Variants in CAMK2D observed in about 807,000 individuals in gnomAD.
CAMK2D encodes calcium/calmodulin-dependent protein kinase type II subunit delta.
CAMK2D carries 37 observed loss-of-function variants against 84.0 expected under a neutral mutation model. The ratio of observed to expected loss-of-function variants is 0.44; its 90% CI spans 0.34 to 0.58. The LOEUF (loss-of-function observed/expected upper bound fraction) is 0.58. Among genes scored for constraint, CAMK2D ranks in the 20% least tolerant of loss-of-function variants. The pLI is 0.02. For missense variants in CAMK2D, 448 were observed against 652.5 expected, an observed-to-expected ratio of 0.69 and a Z score of 3.41; for synonymous variants, 202 against 212.5, an observed-to-expected ratio of 0.95 and a Z score of 0.43.
intron 16 of CAMK2D, among the ~76,000 whole-genome samples, chr4:113,484,349 G>T (rs1157131200): frequency 2.0e-5 from 3 of 152,118 alleles, no homozygotes; most frequent in Non-Finnish European, 4.4e-5. Flanking sequence ...AATGAGTCTA[G>T]ATCCCTAATT....
At chr4:113,576,708 C>T (rs972893030) in intron 4 of CAMK2D, among the ~76,000 whole-genome samples, 1 of 151,940 alleles carries the variant, frequency 6.6e-6, no homozygotes, top group Non-Finnish European at 1.5e-5. Context: ...CTCAGAAGAT[C>T]ACTTTAAATT....
chr4:113,750,757 T>A (rs1182502306), intron 2 of CAMK2D, among the ~76,000 whole-genome samples: 1 of 152,150 alleles, frequency 6.6e-6, no homozygotes, highest in Non-Finnish European at 1.5e-5. Context: ...ACGCCTGTAA[T>A]CCCAGGACTT....
chr4:113,630,404 T>A (rs2099084798), intron 3 of CAMK2D, among the ~76,000 whole-genome samples: 1 of 152,150 alleles, frequency 6.6e-6, no homozygotes, highest in Non-Finnish European at 1.5e-5. Context: ...TCAGTCAGGG[T>A]TCTTAGGATT....
In CAMK2D at chr4:113,705,205, T is replaced by C. The variant is rs28549316; in HGVS notation, c.161-43433A>G. On this transcript the variant is annotated intron_variant, in intron 2 of 20. Coordinates refer to ENST00000511664, the MANE Select transcript of CAMK2D (RefSeq NM_001321571.2). Reference sequence around the variant, plus strand: ...AGCCGGGCGTGGAGGCAGGCGCCTGTAGTCCTAGCTACTCTGGAGGCTGAG... The same window carrying C: ...AGCCGGGCGTGGAGGCAGGCGCCTGCAGTCCTAGCTACTCTGGAGGCTGAG... 9.3e-3 allele frequency among the ~76,000 whole-genome samples: 1,402 copies of C among 150,234 alleles called. 28 individuals are homozygous for C. Among genetic ancestry groups the C allele is most frequent in the African/African-American group, 0.033 (1,343 of 40,790 alleles).
At chr4:113,639,819 T>C (rs74673765) in intron 3 of CAMK2D, among the ~76,000 whole-genome samples, 3,230 of 151,572 alleles carry the variant, frequency 0.021, 118 homozygotes, top group African/African-American at 0.075. Flanking sequence ...GACTTTGCAA[T>C]GTCAGGATTT....
intron 4 of CAMK2D, among the ~76,000 whole-genome samples, chr4:113,586,756 T>TA (rs2098836140): frequency 6.6e-6 from 1 of 152,108 alleles, no homozygotes; most frequent in South Asian, 2.1e-4. Flanking sequence ...TGAGAGCTTA[T>TA]AACATCCAGA....
chr4:113,687,486 C>T (rs767208710), intron 2 of CAMK2D, among the ~76,000 whole-genome samples: 6 of 152,146 alleles, frequency 3.9e-5, no homozygotes. Context: ...ATCTGTTAGG[C>T]CTTTTATTAG....
chr4:113,468,482 A>AT (rs2097505224), intron 16 of CAMK2D, among the ~76,000 whole-genome samples: 1 of 152,228 alleles, frequency 6.6e-6, no homozygotes, highest in Non-Finnish European at 1.5e-5. Flanking sequence ...CAGGCGGCAC[A>AT]TGACAGCTGA....
chr4:113,452,335 A>T lies in CAMK2D; in HGVS notation c.*2210T>A, dbSNP rs2097263308. On this transcript the variant is annotated 3_prime_UTR_variant, in exon 21 of 21. Transcript: ENST00000511664. ...ATGTACTAAATGAGACCAGAGTAGG[A>T]CACACTGCCCTTGACACTGGCCAGC... 6.6e-6 allele frequency: 1 copy of T among 152,200 alleles called. No individual in the cohort carries two copies. Among genetic ancestry groups the T allele is most frequent in the Non-Finnish European group, 1.5e-5 (1 of 68,026 alleles). 9.4% of individuals were successfully genotyped at this position (152,200 alleles called of 1,614,324 possible).
At chr4:113,508,352 T>C (rs2098160783) in intron 13 of CAMK2D, 14 of 961,658 alleles carry the variant, frequency 1.5e-5, no homozygotes, top group Middle Eastern at 2.1e-4. Context: ...GAGTATAGAA[T>C]AATTTTGTTT....
At chr4:113,754,568 G>T in intron 2 of CAMK2D, 1 of 980,944 alleles carries the variant, frequency 1.0e-6, no homozygotes, top group Non-Finnish European at 1.2e-6. Context: ...TCAGGTAGAG[G>T]TTTACACTAG....
chr4:113,714,612 T>G (rs141788993), intron 2 of CAMK2D, among the ~76,000 whole-genome samples: 25 of 152,210 alleles, frequency 1.6e-4, no homozygotes, highest in African/African-American at 5.8e-4. Context: ...AGAAATAGTC[T>G]CATCACAAGA....
intron 4 of CAMK2D, among the ~76,000 whole-genome samples, chr4:113,576,749 A>T (rs1157338530): frequency 6.6e-6 from 1 of 152,200 alleles, no homozygotes; most frequent in East Asian, 1.9e-4. Context: ...AAAAAAAATT[A>T]AGAGGCTAGA....
At chr4:113,638,748 C>T (rs1592310286) in intron 3 of CAMK2D, among the ~76,000 whole-genome samples, 2 of 152,040 alleles carry the variant, frequency 1.3e-5, no homozygotes, top group East Asian at 3.9e-4. Context: ...CTGTCACCAA[C>T]TTAATTCAGA....
intron 2 of CAMK2D, among the ~76,000 whole-genome samples, chr4:113,746,430 T>C (rs986735058): frequency 6.6e-6 from 1 of 152,186 alleles, no homozygotes; most frequent in African/African-American, 2.4e-5. Context: ...GCCTCTTTAT[T>C]ATTTTATCTT....
chr4:113,514,020 A>G, intron 10 of CAMK2D, 107 bp from the exon 11 acceptor site: 1 of 544,636 alleles, frequency 1.8e-6, no homozygotes, highest in Non-Finnish European at 3.3e-6. Context: ...CTGCACCTGC[A>G]GGATCAACTT....
chr4:113,573,845 C>G (rs1025910013), intron 4 of CAMK2D, among the ~76,000 whole-genome samples: 1 of 152,112 alleles, frequency 6.6e-6, no homozygotes, highest in Admixed American at 6.6e-5. Flanking sequence ...CCCTGACTCC[C>G]CCACCTTTTG....
At chr4:113,475,280 A>C (rs1314728277) in intron 16 of CAMK2D, among the ~76,000 whole-genome samples, 4 of 152,234 alleles carry the variant, frequency 2.6e-5, no homozygotes, top group Non-Finnish European at 5.9e-5. Context: ...AAAGAGCTGA[A>C]GAGCATGTCC....
At chr4:113,760,884 C>G in intron 1 of CAMK2D, 120 bp downstream of exon 1, 1 of 1,252,992 alleles carries the variant, frequency 8.0e-7, no homozygotes, top group South Asian at 1.2e-5. Flanking sequence ...AAACCAGGGG[C>G]CCTCCTCCCA....
Sources: gnomAD v4.1 joint callset for allele counts (sites outside exome capture counted in the v4.1 genomes callset) on GRCh38, gnomAD v4.1.1 for gene constraint, MANE v1.5 for transcripts, NCBI Gene and HGNC (gene_info 2026-07-23, HGNC 2026-07-21) for gene names.